The following CTNND2 variants were observed in gnomAD, a reference collection of about 807,000 sequenced individuals.
CTNND2 encodes the protein catenin delta-2.
In CTNND2, 22 loss-of-function variants were observed where a neutral mutation model predicts 144.4. That is an observed-to-expected ratio of 0.15 (90% CI 0.11 to 0.22). The LOEUF (loss-of-function observed/expected upper bound fraction) is 0.22, where lower values mean the gene tolerates loss of function less well. Ranked by LOEUF, CTNND2 falls within the 10% of genes least tolerant of loss-of-function variation. The probability of loss-of-function intolerance (pLI) is 1.00; values close to 1 mark genes in which losing one functional copy is unlikely to be tolerated. For missense variants in CTNND2, 1,353 were observed against 1,618.8 expected (o/e 0.84, Z 2.82); for synonymous variants, 751 against 695.6 (o/e 1.08, Z -1.25).
At chr5:11,719,590 T>TA (rs1201344174) in intron 2 of CTNND2, among the ~76,000 whole-genome samples, 1 of 152,168 alleles carries the variant, frequency 6.6e-6, no homozygotes, top group East Asian at 1.9e-4. Flanking sequence ...TTGTCAAGAT[T>TA]AAAAAATAAT....
chr5:11,752,763 T>G (rs547811189), intron 1 of CTNND2, among the ~76,000 whole-genome samples: 23 of 151,932 alleles, frequency 1.5e-4, no homozygotes, highest in Non-Finnish European at 2.8e-4. Flanking sequence ...AATCTATAAG[T>G]TGCTTTGGGC....
Position 11,903,480 on chromosome 5 carries a change from T to G in CTNND2, c.37+337A>C. ...TTAGGGACGTCATGAATGCACCGAG[T>G]ATGTTCTCAGGGTGGCGGGGAGCAG... On this transcript the variant is annotated intron_variant, in intron 1 of 21. Transcript: ENST00000304623. This position sits in a 1 kb window ranked among gnomAD's most constrained non-coding sequence, Gnocchi z 5.4. 1.1e-5 allele frequency: 7 copies of G among 651,576 alleles called. No individual in the cohort carries two copies. Among genetic ancestry groups the G allele is most frequent in the East Asian group, 8.8e-5 (1 of 11,384 alleles). The allele number at this position is 651,576 out of a possible 1,614,324, so 40.4% of individuals were successfully genotyped here.
chr5:11,305,481 C>A (rs924290720), intron 9 of CTNND2, among the ~76,000 whole-genome samples: 6 of 152,288 alleles, frequency 3.9e-5, no homozygotes, highest in African/African-American at 1.4e-4. Flanking sequence ...TTCCATGTGC[C>A]CTCACTGATG....
intron 9 of CTNND2, among the ~76,000 whole-genome samples, chr5:11,285,897 T>A (rs1345937177): frequency 6.6e-6 from 1 of 152,232 alleles, no homozygotes; most frequent in Non-Finnish European, 1.5e-5. Context: ...TTTAAATACA[T>A]TAACAATACA....
chr5:11,287,910 G>T lies in CTNND2; in HGVS notation c.1629-51087C>A, dbSNP rs537209424. Among the ~76,000 whole-genome samples, 17 of 152,188 alleles carry T rather than the reference G, an allele frequency of 1.1e-4. No individual in the cohort carries two copies. The East Asian group carries it at 3.3e-3, about 29-fold the overall frequency. ...ATCAGTCAGTTGATACAATAAATGC[G>T]AATTACCAATTTTCCTCAGCTGTAG... On this transcript the variant is annotated intron_variant, in intron 9 of 21. Transcript: ENST00000304623.
intron 2 of CTNND2, among the ~76,000 whole-genome samples, chr5:11,713,098 T>C (rs1284186088): frequency 6.6e-6 from 1 of 152,174 alleles, no homozygotes; most frequent in Non-Finnish European, 1.5e-5. Flanking sequence ...AAAATTATAT[T>C]GACTATGACC....
At chr5:11,148,034 C>T (rs149139595) in intron 12 of CTNND2, among the ~76,000 whole-genome samples, 1,740 of 152,246 alleles carry the variant, frequency 0.011, 34 homozygotes, top group African/African-American at 0.04. Context: ...AATGATGAAC[C>T]TTGAACACAT....
At chr5:11,733,730 T>C (rs2126746191) in intron 1 of CTNND2, among the ~76,000 whole-genome samples, 1 of 152,330 alleles carries the variant, frequency 6.6e-6, no homozygotes, top group Middle Eastern at 3.4e-3. Flanking sequence ...CCATTTGCCA[T>C]AGTTGATTTT....
chr5:11,369,075 A>G (rs1293318565), intron 7 of CTNND2, among the ~76,000 whole-genome samples: 1 of 152,252 alleles, frequency 6.6e-6, no homozygotes, highest in Non-Finnish European at 1.5e-5. Flanking sequence ...TCATTTTGAA[A>G]TAATCTAAAT....
chr5:11,038,133 G>T (rs1383865792), intron 16 of CTNND2, among the ~76,000 whole-genome samples: 1 of 152,128 alleles, frequency 6.6e-6, no homozygotes, highest in African/African-American at 2.4e-5. Context: ...CATATGTGGG[G>T]TTAATGCCTA....
chr5:11,821,896 C>G (rs974793664), intron 1 of CTNND2, among the ~76,000 whole-genome samples: 2 of 152,080 alleles, frequency 1.3e-5, no homozygotes, highest in African/African-American at 4.8e-5. Flanking sequence ...TCCTAATAAA[C>G]CACCAGCCCA....
chr5:11,512,797 A>G (rs1463159743), intron 3 of CTNND2, among the ~76,000 whole-genome samples: 1 of 152,226 alleles, frequency 6.6e-6, no homozygotes, highest in Non-Finnish European at 1.5e-5. Flanking sequence ...TGAGGGGAAC[A>G]GCTGAGACAA....
intron 7 of CTNND2, among the ~76,000 whole-genome samples, chr5:11,378,760 G>A (rs530181336): frequency 3.0e-4 from 45 of 152,224 alleles, no homozygotes; most frequent in African/African-American, 1.0e-3. Flanking sequence ...CAGAGATTGC[G>A]AAGCTTTCAT....
chr5:11,539,485 C>T (rs897216433), intron 3 of CTNND2, among the ~76,000 whole-genome samples: 48 of 152,340 alleles, frequency 3.2e-4, no homozygotes, highest in Admixed American at 2.5e-3. Flanking sequence ...TTGCTGTTTA[C>T]AAGTGCCTTG....
chr5:11,510,018 A>G (rs1581374385), intron 3 of CTNND2, among the ~76,000 whole-genome samples: 1 of 151,722 alleles, frequency 6.6e-6, no homozygotes, highest in Admixed American at 6.6e-5. Context: ...TGAAATCTCA[A>G]CCTCCTGGGC....
At chr5:11,607,368 C>T (rs76104622) in intron 2 of CTNND2, among the ~76,000 whole-genome samples, 4,118 of 152,110 alleles carry the variant, frequency 0.027, 87 homozygotes, top group Middle Eastern at 0.051. Flanking sequence ...GGTATGGTCT[C>T]TGTATCTGAC....
At chr5:11,890,779 T>C (rs1053362123) in intron 1 of CTNND2, among the ~76,000 whole-genome samples, 1 of 152,154 alleles carries the variant, frequency 6.6e-6, no homozygotes, top group South Asian at 2.1e-4. Flanking sequence ...TAAAACAGGG[T>C]AACTGTTAGG....
Position 11,412,045 on chromosome 5 carries a change from C to G in CTNND2, c.312G>C (p.Trp104Cys). ...TAAGATAGACATTACCTTGTGACTG[C>G]CACTGAAACTGCTCTTCTGCTGAAC... ...SMSSAEEQFQ[W>C]QSQDGQKDIE... The change falls in exon 4 of 22, where the codon TGG (tryptophan) becomes TGC (cysteine). Residue 104 changes from tryptophan to cysteine, a missense_variant. Transcript: ENST00000304623. 1 of 1,610,844 alleles carries G rather than the reference C, an allele frequency of 6.2e-7. No individual in the cohort carries two copies. The highest frequency in any genetic ancestry group is 8.5e-7 in the Non-Finnish European group (1 of 1,177,332).
At chr5:11,484,727 A>C (rs1257121311) in intron 3 of CTNND2, among the ~76,000 whole-genome samples, 1 of 152,262 alleles carries the variant, frequency 6.6e-6, no homozygotes, top group East Asian at 1.9e-4. Context: ...ATATGGAGCA[A>C]GTATGAACTC....
Sources: allele counts gnomAD v4.1 joint callset (sites outside exome capture counted in the v4.1 genomes callset), GRCh38; gene constraint gnomAD v4.1.1; non-coding constraint Gnocchi (gnomAD v3.1); transcripts MANE v1.5; gene names NCBI Gene and HGNC (gene_info 2026-07-23, HGNC 2026-07-21).